The following FBXO34 variants were observed in gnomAD, a reference collection of about 807,000 sequenced individuals.
FBXO34 encodes the protein F-box only protein 34.
FBXO34 carries 12 observed loss-of-function variants against 24.5 expected under a neutral mutation model. The ratio of observed to expected loss-of-function variants is 0.49; its 90% confidence interval spans 0.31 to 0.79. The LOEUF is 0.79. Among genes scored for constraint, FBXO34 ranks in the 30% least tolerant of loss-of-function variants. FBXO34 has a pLI of 0.04. For missense variants in FBXO34, 823 were observed against 857.7 expected, an observed-to-expected ratio of 0.96 and a Z score of 0.51; for synonymous variants, 320 against 311.9, an observed-to-expected ratio of 1.03 and a Z score of -0.27.
chr14:55,316,492 A>AGAG (rs994023686), intron 1 of FBXO34, among the ~76,000 whole-genome samples: 2 of 151,008 alleles, frequency 1.3e-5, no homozygotes, highest in African/African-American at 4.9e-5. Context: ...TTTGGGAGGT[A>AGAG]GAGGTGGGTG....
At position 55,351,507 on chromosome 14, in the gene FBXO34, T is replaced by C. The variant is rs777716255; in HGVS notation, c.1117T>C (p.Cys373Arg). 2 of 1,614,184 alleles carry C rather than the reference T, an allele frequency of 1.2e-6. No individual in the cohort carries two copies. Among genetic ancestry groups the C allele is most frequent in the East Asian group, 2.2e-5 (1 of 44,884 alleles). The change falls in exon 2 of 2, where the codon TGC becomes CGC. Residue 373 changes from cysteine (C) to arginine (R), a missense_variant. Coordinates refer to ENST00000313833, the MANE Select transcript of FBXO34 (RefSeq NM_017943.4). Reference protein sequence around the residue: ...DQAWDGASQDCPPLPAGVSFH... With the variant: ...DQAWDGASQDRPPLPAGVSFH... ...GGCCTGGGACGGTGCTTCTCAGGACTGCCCCCCATTGCCAGCAGGAGTGAG... is the reference window on the plus strand; with the variant it reads ...GGCCTGGGACGGTGCTTCTCAGGACCGCCCCCCATTGCCAGCAGGAGTGAG...
chr14:55,414,305 A>G, the FBXO34 span: 1 of 1,127,144 alleles, frequency 8.9e-7, no homozygotes, highest in Non-Finnish European at 1.3e-6. Context: ...TAAACGTAGA[A>G]GAATCCAGCT....
chr14:55,392,587 TGCAGTGA>T, the FBXO34 span, among the ~76,000 whole-genome samples: 1 of 147,946 alleles, frequency 6.8e-6, no homozygotes, highest in Non-Finnish European at 1.5e-5. Context: ...AGGCAGAGGT[TGCAGTGA>T]GCCAAGATTG....
chr14:55,381,912 A>T, the FBXO34 span: 1 of 1,497,420 alleles, frequency 6.7e-7, no homozygotes, highest in East Asian at 2.3e-5. Context: ...TGTCAATTTT[A>T]CCTATAACTC....
At chr14:55,378,014 A>T in the FBXO34 span, 1 of 1,612,774 alleles carries the variant, frequency 6.2e-7, no homozygotes, top group African/African-American at 1.3e-5. Flanking sequence ...GAATATTTGC[A>T]TTCAGTTTCT....
chr14:55,330,770 A>G (rs1883507313), intron 1 of FBXO34, among the ~76,000 whole-genome samples: 1 of 152,190 alleles, frequency 6.6e-6, no homozygotes, highest in African/African-American at 2.4e-5. Flanking sequence ...GGCCTGGGCA[A>G]CAGAGTGAGA....
chr14:55,352,450 G>GT lies in FBXO34; in HGVS notation c.2060_2061insT (p.Trp687CysfsTer9). ...AAGCTGGGGCTTCATGACAATCACT[G>GT]GGTTCCTGCCTGCCACAGCTTTAAT... On this transcript the variant is annotated frameshift_variant, in exon 2 of 2. Coordinates refer to ENST00000313833, the MANE Select transcript of FBXO34 (RefSeq NM_017943.4). LOFTEE classifies it high-confidence loss of function. The GT allele has an allele frequency of 6.2e-7, 1 of 1,614,136 alleles. No individual in the cohort carries two copies. The highest frequency in any genetic ancestry group is 8.5e-7 in the Non-Finnish European group (1 of 1,180,012).
the FBXO34 span, chr14:55,440,379 A>G: frequency 4.4e-6 from 7 of 1,590,200 alleles, no homozygotes; most frequent in Non-Finnish European, 6.0e-6. Flanking sequence ...ACTCTGGGAC[A>G]GTGGCGGCAG....
At chr14:55,373,789 A>G (rs1884867324), downstream of FBXO34, among the ~76,000 whole-genome samples, 1 of 148,328 alleles carries the variant, frequency 6.7e-6, no homozygotes, top group Admixed American at 6.8e-5. Flanking sequence ...TTTTTCTGTA[A>G]GTTTAAATTT....
chr14:55,435,571 G>A, the FBXO34 span, among the ~76,000 whole-genome samples: 12 of 152,112 alleles, frequency 7.9e-5, no homozygotes, highest in Non-Finnish European at 1.5e-4. Context: ...ACCGTGCCCA[G>A]CCTAAGTGAA....
chr14:55,292,772 G>A (rs1359283183), intron 1 of FBXO34, among the ~76,000 whole-genome samples: 1 of 152,156 alleles, frequency 6.6e-6, no homozygotes, highest in Non-Finnish European at 1.5e-5. Flanking sequence ...GCTACCATAG[G>A]TACTGTGGCA....
the FBXO34 span, among the ~76,000 whole-genome samples, chr14:55,394,196 G>A: frequency 1.4e-5 from 2 of 146,100 alleles, no homozygotes; most frequent in Non-Finnish European, 2.9e-5. Context: ...TAGTACAGAT[G>A]GGGTTTCACC....
the FBXO34 span, among the ~76,000 whole-genome samples, chr14:55,379,614 G>C: frequency 1.3e-5 from 2 of 152,334 alleles, no homozygotes; most frequent in South Asian, 4.1e-4. Flanking sequence ...CTTTAAGTGG[G>C]AGAAGATGGT....
downstream of FBXO34, among the ~76,000 whole-genome samples, chr14:55,363,872 G>GTT (rs957487109): frequency 4.1e-5 from 6 of 145,090 alleles, no homozygotes; most frequent in South Asian, 8.8e-4. Flanking sequence ...ATGCCTCTGC[G>GTT]TTTTTTTTTT....
chr14:55,325,020 C>T (rs1883293900), intron 1 of FBXO34, among the ~76,000 whole-genome samples: 1 of 152,158 alleles, frequency 6.6e-6, no homozygotes, highest in Admixed American at 6.5e-5. Flanking sequence ...ACAAAGGCTC[C>T]ATCCTTATGA....
At chr14:55,290,503 C>G (rs1385718326) in intron 1 of FBXO34, among the ~76,000 whole-genome samples, 1 of 152,064 alleles carries the variant, frequency 6.6e-6, no homozygotes, top group Non-Finnish European at 1.5e-5. Flanking sequence ...CACCCCCTAC[C>G]ATCACTTTTC....
chr14:55,399,637 A>T, the FBXO34 span, among the ~76,000 whole-genome samples: 1 of 152,256 alleles, frequency 6.6e-6, no homozygotes, highest in African/African-American at 2.4e-5. Context: ...GTTTCCTTGT[A>T]TCAAAAATGA....
intron 1 of FBXO34, among the ~76,000 whole-genome samples, chr14:55,283,892 A>G (rs1372646224): frequency 2.0e-5 from 3 of 151,978 alleles, no homozygotes; most frequent in Non-Finnish European, 4.4e-5. Flanking sequence ...ATTAGCTGGT[A>G]GGAGGTTATA....
intron 1 of FBXO34, among the ~76,000 whole-genome samples, chr14:55,296,325 G>T (rs1882119249): frequency 6.8e-6 from 1 of 146,084 alleles, no homozygotes; most frequent in African/African-American, 2.5e-5. Context: ...TGGACAGGAA[G>T]TATAATTTAG....
Sources: allele counts gnomAD v4.1 joint callset (sites outside exome capture counted in the v4.1 genomes callset), GRCh38; gene constraint gnomAD v4.1.1; transcripts MANE v1.5; gene names NCBI Gene and HGNC (gene_info 2026-07-23, HGNC 2026-07-21).